The following ANKRD6 variants were observed in gnomAD, a reference collection of about 807,000 sequenced individuals.
ANKRD6 encodes ankyrin repeat domain-containing protein 6.
ANKRD6 carries 56 observed loss-of-function variants against 82.3 expected under a neutral mutation model. That is an observed-to-expected ratio of 0.68 (90% CI 0.55 to 0.85). ANKRD6 has a LOEUF of 0.85. Among genes scored for constraint, ANKRD6 ranks in the 40% least tolerant of loss-of-function variants. ANKRD6 has a pLI of 0.00. For missense variants in ANKRD6, 852 were observed against 907.6 expected (o/e 0.94, Z 0.79); for synonymous variants, 347 against 352.1 (o/e 0.99, Z 0.16).
At chr6:89,566,262 A>G (rs1788498853) in intron 1 of ANKRD6, among the ~76,000 whole-genome samples, 1 of 152,224 alleles carries the variant, frequency 6.6e-6, no homozygotes, top group Non-Finnish European at 1.5e-5. Flanking sequence ...CCAGCTCTCC[A>G]TCTGTTCCAG....
chr6:89,457,965 C>T (rs935178828), intron 1 of ANKRD6, among the ~76,000 whole-genome samples: 4 of 152,272 alleles, frequency 2.6e-5, no homozygotes, highest in Middle Eastern at 3.4e-3. Flanking sequence ...AATGGGATTA[C>T]GTCCTTATAA....
At chr6:89,558,520 CA>C (rs140116469) in intron 1 of ANKRD6, among the ~76,000 whole-genome samples, 7,367 of 152,068 alleles carry the variant, frequency 0.048, 255 homozygotes, top group South Asian at 0.13. Flanking sequence ...ATAGAAAAAG[CA>C]AAACTCTGGA....
At chr6:89,589,407 A>G (rs1405473984) in intron 2 of ANKRD6, among the ~76,000 whole-genome samples, 1 of 152,192 alleles carries the variant, frequency 6.6e-6, no homozygotes, top group East Asian at 1.9e-4. Context: ...GTCTACCTGG[A>G]GAATCCAGGA....
intron 1 of ANKRD6, chr6:89,509,209 C>T (rs1053560126): frequency 6.6e-6 from 1 of 152,320 alleles, no homozygotes; most frequent in African/African-American, 2.4e-5. Flanking sequence ...TCGGCTTGCC[C>T]AGAGGGGCGC....
rs774575240 is a variant in ANKRD6 at position 89,623,362 on chromosome 6, G to C, written c.898-48G>C. ...AATATTTGACCATATTAGTGAAAAAGGCCAAGGAAGCAAACACAATGGGTC... is the reference window on the plus strand; with the variant it reads ...AATATTTGACCATATTAGTGAAAAACGCCAAGGAAGCAAACACAATGGGTC... On this transcript the variant is annotated intron_variant, in intron 10 of 15. Transcript: ENST00000339746. The C allele has an allele frequency of 3.1e-5, 48 of 1,569,674 alleles. 1 individual carries two copies. The highest frequency in any genetic ancestry group is 4.1e-5 in the Non-Finnish European group (47 of 1,159,796).
chr6:89,552,481 G>A (rs1287505883), intron 1 of ANKRD6, among the ~76,000 whole-genome samples: 5 of 152,222 alleles, frequency 3.3e-5, no homozygotes, highest in Non-Finnish European at 7.3e-5. Flanking sequence ...TGCGTGCTGA[G>A]TAAGGCCAAG....
intron 1 of ANKRD6, among the ~76,000 whole-genome samples, chr6:89,441,072 A>T (rs974316750): frequency 7.2e-5 from 11 of 152,138 alleles, no homozygotes; most frequent in Admixed American, 7.2e-4. Flanking sequence ...CTCTGTTCCT[A>T]GTTAGAACCT....
At chr6:89,614,180 T>TA (rs1340930804) in intron 7 of ANKRD6, among the ~76,000 whole-genome samples, 40 of 152,034 alleles carry the variant, frequency 2.6e-4, no homozygotes, top group African/African-American at 8.5e-4. Context: ...AATGTGATTT[T>TA]AAAAAGAAAA....
chr6:89,460,432 T>C (rs376680132), intron 1 of ANKRD6, among the ~76,000 whole-genome samples: 7 of 151,768 alleles, frequency 4.6e-5, no homozygotes, highest in Admixed American at 3.3e-4. Flanking sequence ...GATTAGCAAG[T>C]TTTTTTTGTT....
At chr6:89,625,111 C>T (rs764431867) in intron 13 of ANKRD6, among the ~76,000 whole-genome samples, 12 of 151,940 alleles carry the variant, frequency 7.9e-5, no homozygotes, top group Non-Finnish European at 1.2e-4. Flanking sequence ...GGTGAAACCC[C>T]GCCTCTTCTA....
chr6:89,605,270 T>G (rs1041155782), intron 4 of ANKRD6, among the ~76,000 whole-genome samples: 5 of 152,122 alleles, frequency 3.3e-5, no homozygotes, highest in African/African-American at 1.2e-4. Context: ...TAATTCCAGC[T>G]ACTTGGGAGG....
intron 1 of ANKRD6, among the ~76,000 whole-genome samples, chr6:89,562,213 A>G (rs775432074): frequency 7.2e-5 from 11 of 151,848 alleles, no homozygotes; most frequent in East Asian, 1.9e-4. Context: ...TTCCCTGTTT[A>G]CTCCCTTCCC....
intron 1 of ANKRD6, among the ~76,000 whole-genome samples, chr6:89,448,809 T>C (rs1200308865): frequency 6.6e-6 from 1 of 152,050 alleles, no homozygotes; most frequent in Non-Finnish European, 1.5e-5. Flanking sequence ...GATGGGCGGA[T>C]CACGAGGTCA....
At chr6:89,624,149 G>A in intron 12 of ANKRD6, 92 bp downstream of exon 12, 3 of 1,377,290 alleles carry the variant, frequency 2.2e-6, no homozygotes, top group Non-Finnish European at 2.9e-6. Context: ...AGGCACTTTA[G>A]GCATTGACTT....
intron 2 of ANKRD6, among the ~76,000 whole-genome samples, chr6:89,567,309 A>G (rs553048715): frequency 1.3e-5 from 2 of 152,332 alleles, no homozygotes; most frequent in East Asian, 3.9e-4. Flanking sequence ...CAGTCTTTAA[A>G]ATCACGGTGG....
At chr6:89,541,397 T>TC (rs1394532545) in intron 1 of ANKRD6, among the ~76,000 whole-genome samples, 2 of 136,160 alleles carry the variant, frequency 1.5e-5, no homozygotes, top group East Asian at 4.1e-4. Context: ...CTTTTTTTTT[T>TC]TTTTTTTTTT....
intron 1 of ANKRD6, among the ~76,000 whole-genome samples, chr6:89,437,638 G>A (rs1415634558): frequency 6.6e-6 from 1 of 152,172 alleles, no homozygotes; most frequent in African/African-American, 2.4e-5. Context: ...TACACTTTAT[G>A]TTCCAAATGT....
chr6:89,582,147 G>A (rs541103717), intron 2 of ANKRD6, among the ~76,000 whole-genome samples: 42 of 152,226 alleles, frequency 2.8e-4, no homozygotes, highest in African/African-American at 9.9e-4. Context: ...TAATTAAAGA[G>A]GAAACCAGTA....
At chr6:89,623,622 A>G in intron 11 of ANKRD6, 78 bp downstream of exon 11, 2 of 1,511,572 alleles carry the variant, frequency 1.3e-6, no homozygotes, top group Non-Finnish European at 1.8e-6. Context: ...CGTCATGCCC[A>G]TCAGCTAAAA....
Sources: gnomAD v4.1 joint callset for allele counts (sites outside exome capture counted in the v4.1 genomes callset) on GRCh38, gnomAD v4.1.1 for gene constraint, MANE v1.5 for transcripts, NCBI Gene and HGNC (gene_info 2026-07-23, HGNC 2026-07-21) for gene names.